Variants in CNTNAP5 observed in about 807,000 individuals in gnomAD.
CNTNAP5 encodes contactin-associated protein-like 5.
A neutral mutation model predicts 150.2 loss-of-function variants in CNTNAP5; 72 were observed. The ratio of observed to expected loss-of-function variants is 0.48; its 90% CI spans 0.40 to 0.58. CNTNAP5 has a LOEUF of 0.58. Ranked by LOEUF, CNTNAP5 falls within the 20% of genes least tolerant of loss-of-function variation. CNTNAP5 has a pLI of 0.00. For synonymous variants in CNTNAP5, 672 were observed against 619.8 expected (o/e 1.08, Z -1.25); for missense variants, 1,636 against 1,626.2 (o/e 1.01, Z -0.10).
intron 3 of CNTNAP5, among the ~76,000 whole-genome samples, chr2:124,388,540 T>A (rs1690993501): frequency 6.6e-6 from 1 of 152,164 alleles, no homozygotes; most frequent in South Asian, 2.1e-4. Flanking sequence ...TTCTGAACCT[T>A]CATTCTAGGC....
At chr2:124,678,998 G>C (rs1208912692) in intron 13 of CNTNAP5, among the ~76,000 whole-genome samples, 2 of 151,872 alleles carry the variant, frequency 1.3e-5, no homozygotes, top group Non-Finnish European at 2.9e-5. Context: ...AGGATAGGCA[G>C]GGCATAGTAA....
At chr2:124,725,295 TC>T (rs1332134978) in intron 13 of CNTNAP5, among the ~76,000 whole-genome samples, 1 of 152,170 alleles carries the variant, frequency 6.6e-6, no homozygotes, top group East Asian at 1.9e-4. Flanking sequence ...GTTATTTTTT[TC>T]CAGCTTTATT....
intron 9 of CNTNAP5, among the ~76,000 whole-genome samples, chr2:124,526,523 C>T (rs554974110): frequency 5.5e-4 from 83 of 152,218 alleles, no homozygotes; most frequent in African/African-American, 1.8e-3. Flanking sequence ...GGATGGAGTT[C>T]GTATGGAGCA....
chr2:124,835,298 G>T (rs561811033), intron 19 of CNTNAP5, among the ~76,000 whole-genome samples: 64 of 152,158 alleles, frequency 4.2e-4, no homozygotes, highest in African/African-American at 1.5e-3. Flanking sequence ...CAAATGTTAT[G>T]ATCATTTGCT....
At chr2:124,444,697 T>C (rs916303981) in intron 5 of CNTNAP5, among the ~76,000 whole-genome samples, 3 of 152,212 alleles carry the variant, frequency 2.0e-5, no homozygotes, top group African/African-American at 7.2e-5. Context: ...GTGTAAACTG[T>C]GTGACCTAGC....
In CNTNAP5 at chr2:124,568,774, G is replaced by T. The variant is rs143315211; in HGVS notation, c.1756+5451G>T. ...ATTTAAGTATTTTCTGGCCGGGCGC[G>T]GTGGCTCACGCCTGTAATCCCAGCC... is the stretch of plus-strand genomic sequence containing the variant. On this transcript the variant is annotated intron_variant, in intron 11 of 23. Transcript: ENST00000682447. Among the ~76,000 whole-genome samples the T allele has an allele frequency of 3.6e-3, 553 of 152,264 alleles. 1 individual carries two copies. The highest frequency in any genetic ancestry group is 6.4e-3 in the Non-Finnish European group (437 of 68,028).
Position 124,172,701 on chromosome 2 carries a change from A to C in CNTNAP5, c.83-49004A>C, listed in dbSNP as rs959837194. Among the ~76,000 whole-genome samples, 5 of 152,056 alleles carry C rather than the reference A, an allele frequency of 3.3e-5. No homozygotes were observed. In the East Asian group the frequency reaches 9.7e-4, roughly 29 times the overall value. On this transcript the variant is annotated intron_variant, in intron 1 of 23. Coordinates refer to ENST00000682447, the MANE Select transcript of CNTNAP5 (RefSeq NM_001367498.1). ...AGTGCCGGGATTACAGGTGTGAGCC[A>C]TGGCACCCGGCAGTATCATGGTCTT... is the stretch of plus-strand genomic sequence containing the variant.
intron 12 of CNTNAP5, among the ~76,000 whole-genome samples, chr2:124,617,414 A>G (rs918727901): frequency 6.6e-6 from 1 of 152,060 alleles, no homozygotes; most frequent in Non-Finnish European, 1.5e-5. Flanking sequence ...CTAGCTTTTG[A>G]TGGTTTGCTC....
chr2:124,714,034 T>A (rs1391220285), intron 13 of CNTNAP5, among the ~76,000 whole-genome samples: 3 of 152,186 alleles, frequency 2.0e-5, no homozygotes, highest in African/African-American at 7.2e-5. Context: ...GTCTTTAGGC[T>A]CTTTTTTTCC....
At chr2:124,373,263 G>T (rs565228401) in intron 3 of CNTNAP5, among the ~76,000 whole-genome samples, 10 of 152,258 alleles carry the variant, frequency 6.6e-5, no homozygotes, top group African/African-American at 1.9e-4. Flanking sequence ...AGTAGGTGTT[G>T]CTGTATAAAT....
intron 4 of CNTNAP5, among the ~76,000 whole-genome samples, chr2:124,421,761 T>G (rs1338609054): frequency 6.6e-6 from 1 of 152,202 alleles, no homozygotes; most frequent in Non-Finnish European, 1.5e-5. Flanking sequence ...TTCCCAGAAT[T>G]TACAGGGTTG....
At chr2:124,731,811 A>G (rs1431040662) in intron 13 of CNTNAP5, among the ~76,000 whole-genome samples, 2 of 150,490 alleles carry the variant, frequency 1.3e-5, no homozygotes, top group Non-Finnish European at 3.0e-5. Flanking sequence ...TGTATGTGTG[A>G]GTGTGCATGT....
chr2:124,747,396 T>A lies in CNTNAP5; in HGVS notation c.2234+11T>A, dbSNP rs1308888757. 6.2e-7 allele frequency: 1 copy of A among 1,613,486 alleles called. No individual in the cohort carries two copies. The highest frequency in any genetic ancestry group is 2.2e-5 in the East Asian group (1 of 44,818). On this transcript the variant is annotated intron_variant, in intron 14 of 23. Coordinates refer to ENST00000682447, the MANE Select transcript of CNTNAP5 (RefSeq NM_001367498.1). ...TGACAAGGATGAATGGTAATGAGAA[T>A]CTCCATCTTTCTGCAATTGTAGAGA...
intron 19 of CNTNAP5, among the ~76,000 whole-genome samples, chr2:124,804,518 G>C (rs1452332003): frequency 2.0e-5 from 3 of 152,156 alleles, no homozygotes; most frequent in African/African-American, 7.2e-5. Flanking sequence ...TGGAGTAACA[G>C]GGTAATTAGG....
chr2:124,335,080 T>C (rs538306657), intron 3 of CNTNAP5, among the ~76,000 whole-genome samples: 2 of 152,178 alleles, frequency 1.3e-5, no homozygotes, highest in South Asian at 2.1e-4. Context: ...CAAAAAGATA[T>C]CTGCTACCAC....
chr2:124,861,937 C>A (rs1212356136), intron 19 of CNTNAP5, among the ~76,000 whole-genome samples: 1 of 152,154 alleles, frequency 6.6e-6, no homozygotes, highest in Non-Finnish European at 1.5e-5. Flanking sequence ...CCTCAGTCTC[C>A]TGAGTAGCTG....
At chr2:124,375,794 TA>T in intron 3 of CNTNAP5, among the ~76,000 whole-genome samples, 1 of 152,154 alleles carries the variant, frequency 6.6e-6, no homozygotes, top group African/African-American at 2.4e-5. Flanking sequence ...AAAAAAAAGT[TA>T]AAAAACTACA....
chr2:124,619,912 T>TATATATATATATATAG (rs1470746909), intron 12 of CNTNAP5, among the ~76,000 whole-genome samples: 4 of 46,522 alleles, frequency 8.6e-5, no homozygotes, highest in African/African-American at 1.7e-4. Flanking sequence ...CTCATTCATA[T>TATATATATATATATAG]ATATATATAT....
chr2:124,480,292 A>G (rs949808621), intron 7 of CNTNAP5, among the ~76,000 whole-genome samples: 141 of 152,372 alleles, frequency 9.3e-4, no homozygotes, highest in African/African-American at 3.2e-3. Context: ...AACTTAAAAA[A>G]GTGTTGCCTG....
Sources: allele counts gnomAD v4.1 joint callset (sites outside exome capture counted in the v4.1 genomes callset), GRCh38; gene constraint gnomAD v4.1.1; transcripts MANE v1.5; gene names NCBI Gene and HGNC (gene_info 2026-07-23, HGNC 2026-07-21).